The following RBX1 variants were observed in gnomAD, a reference collection of about 807,000 sequenced individuals.
The protein encoded by RBX1 is E3 ubiquitin-protein ligase RBX1.
For missense variants in RBX1, 46 were observed against 141.4 expected (o/e 0.33, Z 3.42); for synonymous variants, 48 against 47.9 (o/e 1.00, Z -0.01).
chr22:40,960,914 C>G (rs1282464474), intron 2 of RBX1, among the ~76,000 whole-genome samples: 1 of 151,064 alleles, frequency 6.6e-6, no homozygotes, highest in Non-Finnish European at 1.5e-5. Context: ...ATGCGCCACC[C>G]ACCACACCCG....
At chr22:40,952,268 G>C (rs368594514) in intron 1 of RBX1, among the ~76,000 whole-genome samples, 1 of 152,174 alleles carries the variant, frequency 6.6e-6, no homozygotes, top group Non-Finnish European at 1.5e-5. Context: ...GTGTCTTTTT[G>C]CATGAAATGC....
intron 3 of RBX1, among the ~76,000 whole-genome samples, chr22:40,965,070 C>T (rs895855643): frequency 6.6e-6 from 1 of 152,088 alleles, no homozygotes; most frequent in Non-Finnish European, 1.5e-5. Flanking sequence ...TCTGGGAGGC[C>T]GAGGCGGGTG....
intron 4 of RBX1, among the ~76,000 whole-genome samples, chr22:40,969,143 G>A (rs1036888121): frequency 6.6e-6 from 1 of 151,766 alleles, no homozygotes; most frequent in South Asian, 2.1e-4. Flanking sequence ...GAGAAACCCC[G>A]TCTCTACTAA....
intron 1 of RBX1, among the ~76,000 whole-genome samples, 197 bp downstream of exon 1, chr22:40,951,673 G>T (rs1282928693): frequency 6.6e-6 from 1 of 152,148 alleles, no homozygotes; most frequent in Non-Finnish European, 1.5e-5. Context: ...GGAAGTGTTG[G>T]TTTCGCTGTG....
At chr22:40,952,649 A>G (rs2058314491) in intron 1 of RBX1, among the ~76,000 whole-genome samples, 2 of 152,242 alleles carry the variant, frequency 1.3e-5, no homozygotes, top group African/African-American at 4.8e-5. Context: ...TACTGGAATT[A>G]TTATCTTAAT....
At chr22:40,969,287 G>C (rs1358996725) in intron 4 of RBX1, among the ~76,000 whole-genome samples, 1 of 152,168 alleles carries the variant, frequency 6.6e-6, no homozygotes, top group Non-Finnish European at 1.5e-5. Context: ...ACTCCAACAA[G>C]AGCGAAACTC....
intron 2 of RBX1, among the ~76,000 whole-genome samples, chr22:40,959,761 AG>A: frequency 6.6e-6 from 1 of 152,256 alleles, no homozygotes; most frequent in Non-Finnish European, 1.5e-5. Flanking sequence ...CAGTGAGCCA[AG>A]ATTGCACCAG....
At chr22:40,954,237 A>G (rs1360200519) in intron 2 of RBX1, among the ~76,000 whole-genome samples, 1 of 151,616 alleles carries the variant, frequency 6.6e-6, no homozygotes, top group East Asian at 1.9e-4. Context: ...CCACTGCACT[A>G]CAACCTGGGC....
chr22:40,952,781 G>A (rs971140234), intron 1 of RBX1, among the ~76,000 whole-genome samples: 22 of 152,100 alleles, frequency 1.4e-4, no homozygotes, highest in African/African-American at 5.1e-4. Context: ...ACCTTGTTCT[G>A]TGTACTGACA....
intron 2 of RBX1, among the ~76,000 whole-genome samples, chr22:40,954,508 T>C (rs1420402543): frequency 1.2e-4 from 18 of 152,188 alleles, no homozygotes; most frequent in Admixed American, 1.2e-3. Context: ...ATGAACTGAT[T>C]TCCTGTCCTT....
intron 2 of RBX1, among the ~76,000 whole-genome samples, chr22:40,956,890 C>G (rs1264953850): frequency 1.3e-5 from 2 of 150,710 alleles, no homozygotes. Flanking sequence ...AAAAAATTAG[C>G]TGGGTGCGAT....
intron 2 of RBX1, among the ~76,000 whole-genome samples, chr22:40,957,916 C>T (rs960066130): frequency 6.6e-6 from 1 of 152,100 alleles, no homozygotes; most frequent in Non-Finnish European, 1.5e-5. Flanking sequence ...TCTCCACCTT[C>T]TGGGTTCAAA....
chr22:40,970,053 T>TAA (rs71328761), intron 4 of RBX1, among the ~76,000 whole-genome samples: 4,250 of 109,582 alleles, frequency 0.039, 99 homozygotes, highest in Non-Finnish European at 0.059. Flanking sequence ...AGACCCAATT[T>TAA]AAAAAAAAAA....
intron 2 of RBX1, among the ~76,000 whole-genome samples, chr22:40,961,320 A>C (rs1400546336): frequency 3.3e-5 from 5 of 149,608 alleles, no homozygotes; most frequent in Non-Finnish European, 7.4e-5. Context: ...CGTGGGCTAA[A>C]GTGATCCTGC....
chr22:40,971,891 T>A (rs1200379215), intron 4 of RBX1, among the ~76,000 whole-genome samples: 1 of 152,138 alleles, frequency 6.6e-6, no homozygotes, highest in Non-Finnish European at 1.5e-5. Context: ...AGAGCCAAAT[T>A]TTGGTTTCTG....
intron 3 of RBX1, among the ~76,000 whole-genome samples, chr22:40,965,195 C>T (rs1308278118): frequency 6.6e-6 from 1 of 151,246 alleles, no homozygotes; most frequent in East Asian, 2.0e-4. Flanking sequence ...CCCAGCTACT[C>T]GGGAGGCTGA....
rs1189238611 is a variant in RBX1, at chr22:40,953,417, A to T, written c.79-138A>T. The T allele has an allele frequency of 1.3e-5, 8 of 593,886 alleles. No homozygotes were observed. In the East Asian group the frequency reaches 2.4e-4, roughly 18 times the overall value. The allele number at this position is 593,886 out of a possible 1,614,324, so 36.8% of individuals were successfully genotyped here. On this transcript the variant is annotated intron_variant, in intron 1 of 4. Transcript: ENST00000216225. ...CTGTTGTCTTTGGTATAATAAGATT[A>T]ACGTAATATCCAAAAACTTTTGTTT...
chr22:40,970,562 C>T (rs2058366464), intron 4 of RBX1, among the ~76,000 whole-genome samples: 2 of 152,150 alleles, frequency 1.3e-5, no homozygotes, highest in African/African-American at 4.8e-5. Context: ...TTTGAATTTT[C>T]AGTAAGATTG....
In RBX1 at chr22:40,953,537, C is replaced by T. The variant is rs751424987; in HGVS notation, c.79-18C>T. The stretch of plus-strand genomic sequence containing the variant: ...TGTTACAAGCAGAATGCACTGTTCC[C>T]TCTTTTTGTCTTTGCAGTGGAATGC... On this transcript the variant is annotated intron_variant, in intron 1 of 4. Coordinates refer to ENST00000216225, the MANE Select transcript of RBX1 (RefSeq NM_014248.4). 83 of 1,570,196 alleles carry T rather than the reference C, an allele frequency of 5.3e-5. No individual in the cohort carries two copies. Among genetic ancestry groups the T allele is most frequent in the Non-Finnish European group, 7.0e-5 (80 of 1,141,410 alleles).
Sources: gnomAD v4.1 joint callset for allele counts (sites outside exome capture counted in the v4.1 genomes callset) on GRCh38, gnomAD v4.1.1 for gene constraint, MANE v1.5 for transcripts, NCBI Gene and HGNC (gene_info 2026-07-23, HGNC 2026-07-21) for gene names.